RAB28: variants seen among roughly 807,000 people sequenced by gnomAD.
RAB28 encodes RAB28, member RAS oncogene family.
In RAB28, 24 loss-of-function variants were observed where a neutral mutation model predicts 31.7. The observed-to-expected ratio is 0.76, with a 90% CI of 0.55 to 1.06. The LOEUF (loss-of-function observed/expected upper bound fraction) is 1.06, where lower values mean the gene tolerates loss of function less well. RAB28 is among the 50% of genes least tolerant of loss of function. The probability of loss-of-function intolerance (pLI) is 0.00; values close to 1 mark genes in which losing one functional copy is unlikely to be tolerated. For synonymous variants in RAB28, 100 were observed against 90.4 expected (o/e 1.11, Z -0.60); for missense variants, 254 against 258.5 (o/e 0.98, Z 0.12).
intron 4 of RAB28, among the ~76,000 whole-genome samples, chr4:13,415,118 C>A (rs1712671824): frequency 6.6e-6 from 1 of 152,188 alleles, no homozygotes; most frequent in South Asian, 2.1e-4. Flanking sequence ...TCATTAATTG[C>A]AGATATAATG....
chr4:13,430,640 G>A (rs1295168684), intron 4 of RAB28, among the ~76,000 whole-genome samples: 2 of 152,136 alleles, frequency 1.3e-5, no homozygotes, highest in African/African-American at 2.4e-5. Context: ...TGATGGTTGT[G>A]TACCCATGGT....
At chr4:13,433,134 GAAAGAAAAAAAAA>G (rs1713902022) in intron 4 of RAB28, among the ~76,000 whole-genome samples, 1 of 100,962 alleles carries the variant, frequency 9.9e-6, no homozygotes, top group South Asian at 2.9e-4. Context: ...TCATGCAAAT[GAAAGAAAAAAAAA>G]AAAGAAAAAA....
chr4:13,466,229 A>G (rs1042769029), intron 3 of RAB28, among the ~76,000 whole-genome samples: 1 of 151,968 alleles, frequency 6.6e-6, no homozygotes, highest in African/African-American at 2.4e-5. Flanking sequence ...GGAAAACTAA[A>G]AAGCTTCTGT....
At position 13,387,966 on chromosome 4, in the gene RAB28, G is replaced by C. The variant is rs9993832; in HGVS notation, c.392-6372C>G. On this transcript the variant is annotated intron_variant, in intron 4 of 6. Transcript: ENST00000330852. ...AACTTGATAACCCAAGAACTCCCAGGGTCAATTTTCACCCATTACTATCAT... is the reference window on the plus strand; with the variant it reads ...AACTTGATAACCCAAGAACTCCCAGCGTCAATTTTCACCCATTACTATCAT... 2.6e-5 allele frequency among the ~76,000 whole-genome samples: 4 copies of C among 151,746 alleles called. No homozygotes were observed. In the South Asian group the frequency reaches 6.3e-4, roughly 24 times the overall value.
chr4:13,388,895 T>C (rs1056344311), intron 4 of RAB28, among the ~76,000 whole-genome samples: 2 of 152,042 alleles, frequency 1.3e-5, no homozygotes, highest in African/African-American at 2.4e-5. Context: ...GTATGGGGTT[T>C]CTGAGAAAGT....
chr4:13,471,099 T>C (rs1716095938), intron 3 of RAB28, among the ~76,000 whole-genome samples: 1 of 152,076 alleles, frequency 6.6e-6, no homozygotes, highest in African/African-American at 2.4e-5. Context: ...AACAAAACCC[T>C]AAATAACACA....
At chr4:13,418,119 C>T (rs77052462) in intron 4 of RAB28, among the ~76,000 whole-genome samples, 11,316 of 152,198 alleles carry the variant, frequency 0.074, 746 homozygotes, top group African/African-American at 0.18. Context: ...CAAACTTCAA[C>T]AGCTGATTCG....
intron 5 of RAB28, 64 bp from the exon 6 acceptor site, chr4:13,376,686 C>T (rs937537208): frequency 5.5e-5 from 61 of 1,106,090 alleles, no homozygotes; most frequent in Middle Eastern, 2.4e-4. Flanking sequence ...TTCAAATAAA[C>T]AGAATTTTCT....
At chr4:13,465,773 A>ACAC (rs747093328) in intron 3 of RAB28, among the ~76,000 whole-genome samples, 3 of 151,664 alleles carry the variant, frequency 2.0e-5, no homozygotes, top group Non-Finnish European at 4.4e-5. Context: ...ACACACACAC[A>ACAC]CACACACACA....
intron 4 of RAB28, among the ~76,000 whole-genome samples, chr4:13,425,092 T>A (rs557804420): frequency 8.1e-4 from 124 of 152,320 alleles, no homozygotes; most frequent in African/African-American, 3.0e-3. Context: ...AGTAAATTAT[T>A]GATTTTCTTT....
intron 4 of RAB28, among the ~76,000 whole-genome samples, chr4:13,440,496 T>C (rs1234515273): frequency 6.6e-6 from 1 of 152,146 alleles, no homozygotes; most frequent in Non-Finnish European, 1.5e-5. Flanking sequence ...TTTTTATATA[T>C]ATAAAACCTG....
intron 4 of RAB28, among the ~76,000 whole-genome samples, chr4:13,393,512 T>C (rs758215440): frequency 6.6e-6 from 1 of 152,204 alleles, no homozygotes; most frequent in African/African-American, 2.4e-5. Flanking sequence ...GCAGGTGACA[T>C]ATATCAGCAA....
At chr4:13,410,698 A>T (rs957028679) in intron 4 of RAB28, among the ~76,000 whole-genome samples, 15 of 152,170 alleles carry the variant, frequency 9.9e-5, no homozygotes, top group African/African-American at 3.6e-4. Context: ...ACAATGCAAA[A>T]GAAAAAACTG....
intron 4 of RAB28, among the ~76,000 whole-genome samples, chr4:13,392,017 C>A (rs1425127319): frequency 6.6e-6 from 1 of 151,962 alleles, no homozygotes; most frequent in Non-Finnish European, 1.5e-5. Context: ...ATACATTTAC[C>A]AACATGGCAA....
intron 4 of RAB28, among the ~76,000 whole-genome samples, chr4:13,441,642 T>C (rs1714420583): frequency 6.6e-6 from 1 of 152,238 alleles, no homozygotes. Context: ...CTAAAAAGAC[T>C]TATTATCCAT....
chr4:13,412,198 G>T (rs1437919817), intron 4 of RAB28, among the ~76,000 whole-genome samples: 1 of 152,114 alleles, frequency 6.6e-6, no homozygotes, highest in East Asian at 1.9e-4. Flanking sequence ...AGCTAACAGA[G>T]GAGAGCTATC....
rs1272290001 is a variant in RAB28, at chr4:13,412,418, G to C, written c.392-30824C>G. On this transcript the variant is annotated intron_variant, in intron 4 of 6. Coordinates refer to ENST00000330852, the MANE Select transcript of RAB28 (RefSeq NM_001017979.3). ...AACTATCTAATGTCAATCTGTGGCT[G>C]GGGGGAAGAACAATTAAAATATATA... is the stretch of plus-strand genomic sequence containing the variant. Among the ~76,000 whole-genome samples, 5 of 152,120 alleles carry C rather than the reference G, an allele frequency of 3.3e-5. No homozygotes were observed. The East Asian group carries it at 7.7e-4, about 24-fold the overall frequency.
intron 5 of RAB28, among the ~76,000 whole-genome samples, chr4:13,378,108 CTAAA>C (rs2108879476): frequency 6.6e-6 from 1 of 152,100 alleles, no homozygotes; most frequent in South Asian, 2.1e-4. Context: ...AGCCAGAAGA[CTAAA>C]TAAAGCCATT....
chr4:13,435,041 GAAAAAGA>G (rs1048012430), intron 4 of RAB28, among the ~76,000 whole-genome samples: 1 of 136,152 alleles, frequency 7.3e-6, no homozygotes, highest in Admixed American at 7.2e-5. Flanking sequence ...AAAAAGAAAA[GAAAAAGA>G]AAAAAGAAAA....
Sources: allele counts gnomAD v4.1 joint callset (sites outside exome capture counted in the v4.1 genomes callset), GRCh38; gene constraint gnomAD v4.1.1; transcripts MANE v1.5; gene names NCBI Gene and HGNC (gene_info 2026-07-23, HGNC 2026-07-21).